The following ADAM10 variants were observed in gnomAD, a reference collection of about 807,000 sequenced individuals.
The protein encoded by ADAM10 is disintegrin and metalloproteinase domain-containing protein 10.
Under a neutral mutation model 90.1 loss-of-function variants are expected in ADAM10, and 17 were observed. That is an observed-to-expected ratio of 0.19 (90% confidence interval 0.13 to 0.28). The LOEUF (loss-of-function observed/expected upper bound fraction) is 0.28. Ranked by LOEUF, ADAM10 falls within the 10% of genes least tolerant of loss-of-function variation. The probability of loss-of-function intolerance (pLI) is 1.00; values close to 1 mark genes in which losing one functional copy is unlikely to be tolerated. For missense variants in ADAM10, 610 were observed against 914.3 expected, an observed-to-expected ratio of 0.67 and a Z score of 4.29; for synonymous variants, 310 against 298.6, an observed-to-expected ratio of 1.04 and a Z score of -0.40.
At chr15:58,712,487 C>T (rs981604029) in intron 2 of ADAM10, among the ~76,000 whole-genome samples, 3 of 142,646 alleles carry the variant, frequency 2.1e-5, no homozygotes, top group Non-Finnish European at 4.5e-5. Context: ...TCTCACCACT[C>T]TACCCTAGCC....
chr15:58,685,493 C>G (rs975707270), intron 2 of ADAM10, among the ~76,000 whole-genome samples: 1 of 92,894 alleles, frequency 1.1e-5, no homozygotes, highest in Non-Finnish European at 1.8e-5. Context: ...AAATAAGATA[C>G]AAAAAAGAAT....
intron 2 of ADAM10, among the ~76,000 whole-genome samples, chr15:58,714,435 T>C (rs2140811290): frequency 6.6e-6 from 1 of 152,236 alleles, no homozygotes; most frequent in South Asian, 2.1e-4. Context: ...ATTTAATATA[T>C]TCTATTATGT....
chr15:58,665,233 C>T, intron 4 of ADAM10, 36 bp from the exon 5 acceptor site: 1 of 1,421,282 alleles, frequency 7.0e-7, no homozygotes, highest in Non-Finnish European at 1.0e-6. Flanking sequence ...TACTATCACA[C>T]ATTTAGGTAT....
At chr15:58,616,649 A>C (rs758957479) in intron 11 of ADAM10, among the ~76,000 whole-genome samples, 1 of 152,226 alleles carries the variant, frequency 6.6e-6, no homozygotes, top group Non-Finnish European at 1.5e-5. Flanking sequence ...TTAAGACGGA[A>C]GTTTATAGCA....
rs771545392 is a variant in ADAM10 at position 58,693,034 on chromosome 15, C to A, written c.207-10720G>T. 18 of 765,266 alleles carry A rather than the reference C, an allele frequency of 2.4e-5. No individual in the cohort carries two copies. In the African/African-American group the frequency reaches 3.1e-4, roughly 13 times the overall value. 47.4% of individuals were successfully genotyped at this position (765,266 alleles called of 1,614,324 possible). A position where few individuals can be genotyped will look rare whatever the true frequency, so the allele number is the denominator to read the frequency against. The stretch of plus-strand genomic sequence containing the variant: ...GGAAGGGTCTGTCAGGCTCTCATAG[C>A]GAATCTTGTCTAAGGCATCAGAAGC... On this transcript the variant is annotated intron_variant, in intron 2 of 15. Coordinates refer to ENST00000260408, the MANE Select transcript of ADAM10 (RefSeq NM_001110.4).
At chr15:58,632,435 T>C (rs1896128649) in intron 9 of ADAM10, among the ~76,000 whole-genome samples, 1 of 152,166 alleles carries the variant, frequency 6.6e-6, no homozygotes, top group Non-Finnish European at 1.5e-5. Context: ...GAATTAGGGG[T>C]TGACAAAGTA....
chr15:58,628,290 G>A (rs1896003481), intron 9 of ADAM10, among the ~76,000 whole-genome samples: 1 of 152,116 alleles, frequency 6.6e-6, no homozygotes, highest in Non-Finnish European at 1.5e-5. Context: ...CAGAGGTGGG[G>A]AAAGACAAAA....
chr15:58,691,370 C>A, intron 2 of ADAM10: 1 of 887,462 alleles, frequency 1.1e-6, no homozygotes, highest in East Asian at 2.5e-5. Context: ...TATATATTAC[C>A]TCGAAGCCCT....
chr15:58,674,267 C>G (rs944733155), intron 4 of ADAM10, among the ~76,000 whole-genome samples: 2 of 152,286 alleles, frequency 1.3e-5, no homozygotes, highest in Middle Eastern at 3.4e-3. Context: ...CAAATACTAT[C>G]ACTGTGCTTA....
intron 5 of ADAM10, among the ~76,000 whole-genome samples, chr15:58,653,421 C>A (rs1407100780): frequency 6.6e-6 from 1 of 152,092 alleles, no homozygotes; most frequent in African/African-American, 2.4e-5. Flanking sequence ...GCATTTTTAT[C>A]AGGAAAGGAT....
At position 58,590,078 on chromosome 15, in the gene ADAM10, C is replaced by A. The variant is rs1475655319; in HGVS notation, c.*7469G>T. 1 of 152,166 alleles carries A rather than the reference C, an allele frequency of 6.6e-6. No individual in the cohort carries two copies. Among genetic ancestry groups the A allele is most frequent in the Non-Finnish European group, 1.5e-5 (1 of 68,040 alleles). The allele number at this position is 152,166 out of a possible 1,614,324, so 9.4% of individuals were successfully genotyped here. A position where few individuals can be genotyped will look rare whatever the true frequency, so the allele number is the denominator to read the frequency against. On this transcript the variant is annotated 3_prime_UTR_variant, in exon 16 of 16. Coordinates refer to ENST00000260408, the MANE Select transcript of ADAM10 (RefSeq NM_001110.4). ...TAACCAATCGACATTATTAAAAATT[C>A]TATGTAATCTATTTAAACTCTCTTC...
At chr15:58,707,088 G>C (rs1177344326) in intron 2 of ADAM10, among the ~76,000 whole-genome samples, 3 of 52,758 alleles carry the variant, frequency 5.7e-5, no homozygotes, top group African/African-American at 1.9e-4. Context: ...CTTTGGGGGG[G>C]GGAAAAAAGC....
chr15:58,743,809 T>C (rs373366776), intron 1 of ADAM10, among the ~76,000 whole-genome samples: 1 of 152,212 alleles, frequency 6.6e-6, no homozygotes, highest in Non-Finnish European at 1.5e-5. Flanking sequence ...TTTCGCCATG[T>C]TGGGCAGGCT....
At chr15:58,655,514 A>T (rs1388174137) in intron 5 of ADAM10, 4 of 150,950 alleles carry the variant, frequency 2.6e-5, no homozygotes, top group Admixed American at 1.3e-4. Flanking sequence ...TGCCCCCATG[A>T]TCCAAACAAC....
rs1894889074 is a variant in ADAM10 at position 58,594,033 on chromosome 15, G to A, written c.*3514C>T. ...GATGCTGAAACTGAAGTTGTCCTCTGTGGGGCAAACCAATTGTCTTTCTAG... is the reference window on the plus strand; with the variant it reads ...GATGCTGAAACTGAAGTTGTCCTCTATGGGGCAAACCAATTGTCTTTCTAG... On this transcript the variant is annotated 3_prime_UTR_variant, in exon 16 of 16. Transcript: ENST00000260408. 1 of 152,194 alleles carries A rather than the reference G, an allele frequency of 6.6e-6. No individual in the cohort carries two copies. The highest frequency in any genetic ancestry group is 2.1e-4 in the South Asian group (1 of 4,826). The allele number at this position is 152,194 out of a possible 1,614,324, so 9.4% of individuals were successfully genotyped here.
At chr15:58,698,444 C>T (rs868547785) in intron 2 of ADAM10, 23 of 308,386 alleles carry the variant, frequency 7.5e-5, no homozygotes, top group African/African-American at 1.4e-4. Flanking sequence ...AGCATATTGG[C>T]GTGAACCTGT....
chr15:58,599,103 T>C (rs1041923253), intron 15 of ADAM10, among the ~76,000 whole-genome samples: 2 of 148,886 alleles, frequency 1.3e-5, no homozygotes, highest in Admixed American at 1.4e-4. Context: ...GTGGGGAGGA[T>C]TGCTTGAGCT....
chr15:58,636,606 T>C (rs1353862125), intron 8 of ADAM10, among the ~76,000 whole-genome samples: 12 of 152,282 alleles, frequency 7.9e-5, no homozygotes, highest in African/African-American at 2.6e-4. Flanking sequence ...AAAGTAATTA[T>C]TGATGAAGGA....
intron 1 of ADAM10, chr15:58,749,186 A>T: frequency 2.5e-6 from 1 of 405,640 alleles, no homozygotes; most frequent in Non-Finnish European, 4.3e-6. Context: ...GGCGACGCGG[A>T]TGCCCCGACT....
Sources: allele counts gnomAD v4.1 joint callset (sites outside exome capture counted in the v4.1 genomes callset), GRCh38; gene constraint gnomAD v4.1.1; transcripts MANE v1.5; gene names NCBI Gene and HGNC (gene_info 2026-07-23, HGNC 2026-07-21).